The following PLEKHB2 variants were observed in gnomAD, a reference collection of about 807,000 sequenced individuals.
PLEKHB2 encodes the protein pleckstrin homology domain-containing family B member 2.
PLEKHB2 carries 31 observed loss-of-function variants against 36.5 expected under a neutral mutation model. That is an observed-to-expected ratio of 0.85 (90% CI 0.64 to 1.15). The LOEUF is 1.15. PLEKHB2 is among the 50% of genes most tolerant of loss of function. PLEKHB2 has a pLI of 0.00. For synonymous variants in PLEKHB2, 119 were observed against 112.0 expected (o/e 1.06, Z -0.39); for missense variants, 262 against 295.3 (o/e 0.89, Z 0.83).
At chr2:131,134,772 C>T (rs193123780) in intron 6 of PLEKHB2, among the ~76,000 whole-genome samples, 5 of 152,186 alleles carry the variant, frequency 3.3e-5, no homozygotes, top group Non-Finnish European at 5.9e-5. Context: ...AAGGCTTTTG[C>T]AGGAATTGCC....
intron 6 of PLEKHB2, among the ~76,000 whole-genome samples, chr2:131,138,569 C>T (rs1045341938): frequency 6.6e-6 from 1 of 152,148 alleles, no homozygotes; most frequent in South Asian, 2.1e-4. Context: ...GAAGTCCGGG[C>T]TCGCCTTGAG....
chr2:131,146,009 C>T (rs963312997), intron 7 of PLEKHB2, among the ~76,000 whole-genome samples: 9 of 151,696 alleles, frequency 5.9e-5, no homozygotes, highest in Non-Finnish European at 8.8e-5. Context: ...GGTGAAACCC[C>T]GTCTCTACTA....
intron 2 of PLEKHB2, among the ~76,000 whole-genome samples, chr2:131,122,606 G>T (rs747038559): frequency 5.3e-5 from 8 of 152,254 alleles, no homozygotes; most frequent in Non-Finnish European, 1.2e-4. Flanking sequence ...GTGAGGTTAG[G>T]TACTTGTCTA....
intron 1 of PLEKHB2, among the ~76,000 whole-genome samples, chr2:131,119,832 TTTG>T (rs1279136609): frequency 1.3e-5 from 2 of 152,076 alleles, no homozygotes; most frequent in Non-Finnish European, 2.9e-5. Flanking sequence ...TTTTTACGAG[TTTG>T]TTGTTCTTTT....
At chr2:131,137,799 A>C (rs1390347775) in intron 6 of PLEKHB2, among the ~76,000 whole-genome samples, 4 of 151,878 alleles carry the variant, frequency 2.6e-5, no homozygotes, top group Non-Finnish European at 5.9e-5. Context: ...TTTGGTTTTC[A>C]AAAGTTTGAC....
At chr2:131,141,532 C>T (rs1178772586) in intron 7 of PLEKHB2, among the ~76,000 whole-genome samples, 1 of 149,358 alleles carries the variant, frequency 6.7e-6, no homozygotes, top group Non-Finnish European at 1.5e-5. Flanking sequence ...TCCAGCTACT[C>T]GGGAGGCTGA....
At chr2:131,124,169 A>G (rs567895453) in intron 2 of PLEKHB2, among the ~76,000 whole-genome samples, 1 of 151,904 alleles carries the variant, frequency 6.6e-6, no homozygotes, top group East Asian at 1.9e-4. Context: ...TGCACAGCTC[A>G]GGTAGTCAAG....
At chr2:131,107,794 C>T (rs924791481) in intron 1 of PLEKHB2, 1 of 152,254 alleles carries the variant, frequency 6.6e-6, no homozygotes, top group African/African-American at 2.4e-5. Flanking sequence ...CCCCAAATAG[C>T]TGGGATTACA....
chr2:131,121,122 A>G (rs1348601540), intron 2 of PLEKHB2, 144 bp downstream of exon 2: 2 of 733,340 alleles, frequency 2.7e-6, no homozygotes, highest in African/African-American at 3.5e-5. Flanking sequence ...ACATTCCTAG[A>G]TCTCTGTGAA....
intron 1 of PLEKHB2, among the ~76,000 whole-genome samples, chr2:131,115,220 G>C (rs1306619006): frequency 6.6e-6 from 1 of 152,094 alleles, no homozygotes; most frequent in Admixed American, 6.6e-5. Context: ...AACAGTATGG[G>C]GGAAACTGTC....
intron 6 of PLEKHB2, among the ~76,000 whole-genome samples, chr2:131,133,253 G>A (rs1180843982): frequency 1.3e-5 from 2 of 152,130 alleles, no homozygotes; most frequent in African/African-American, 2.4e-5. Flanking sequence ...GTTGCCTTGG[G>A]TAATGAGATT....
intron 4 of PLEKHB2, among the ~76,000 whole-genome samples, chr2:131,129,383 G>A (rs995141013): frequency 7.0e-6 from 1 of 142,462 alleles, no homozygotes; most frequent in Non-Finnish European, 1.5e-5. Flanking sequence ...ATAAGTGAAT[G>A]AATCTTTCAA....
At chr2:131,131,758 C>CTTTT (rs35889012) in intron 5 of PLEKHB2, among the ~76,000 whole-genome samples, 1 of 139,148 alleles carries the variant, frequency 7.2e-6, no homozygotes, top group African/African-American at 2.6e-5. Flanking sequence ...GAAAATCCCC[C>CTTTT]TTTTTTTTTT....
At chr2:131,116,195 G>A (rs1695855762) in intron 1 of PLEKHB2, among the ~76,000 whole-genome samples, 1 of 152,148 alleles carries the variant, frequency 6.6e-6, no homozygotes, top group Non-Finnish European at 1.5e-5. Context: ...TCCTCTAGAT[G>A]TAGACATTTC....
At chr2:131,108,747 C>T (rs574975443) in intron 1 of PLEKHB2, among the ~76,000 whole-genome samples, 21 of 152,272 alleles carry the variant, frequency 1.4e-4, no homozygotes, top group Middle Eastern at 3.4e-3. Flanking sequence ...AGAATATTTT[C>T]GGCAAATTTT....
intron 7 of PLEKHB2, among the ~76,000 whole-genome samples, chr2:131,142,061 G>A (rs547460977): frequency 6.6e-6 from 1 of 152,116 alleles, no homozygotes; most frequent in African/African-American, 2.4e-5. Flanking sequence ...TCATTGCAGG[G>A]CACACTCACC....
intron 1 of PLEKHB2, among the ~76,000 whole-genome samples, chr2:131,106,721 T>C (rs1694774554): frequency 6.6e-6 from 1 of 152,158 alleles, no homozygotes. Flanking sequence ...GTTTACTCTC[T>C]GTGGTGGTGA....
intron 6 of PLEKHB2, among the ~76,000 whole-genome samples, chr2:131,139,455 T>A (rs1266500274): frequency 6.6e-6 from 1 of 152,240 alleles, no homozygotes; most frequent in Non-Finnish European, 1.5e-5. Context: ...TTTGCCTGGC[T>A]ACAACTCTGT....
chr2:131,134,160 A>G (rs548651984), intron 6 of PLEKHB2, among the ~76,000 whole-genome samples: 1 of 151,644 alleles, frequency 6.6e-6, no homozygotes, highest in South Asian at 2.1e-4. Context: ...CGGCCTCCCA[A>G]AGTGCTGGGA....
Sources: gnomAD v4.1 joint callset for allele counts (sites outside exome capture counted in the v4.1 genomes callset) on GRCh38, gnomAD v4.1.1 for gene constraint, MANE v1.5 for transcripts, NCBI Gene and HGNC (gene_info 2026-07-23, HGNC 2026-07-21) for gene names.